CCDC18: variants seen among roughly 807,000 people sequenced by gnomAD.
CCDC18 encodes the protein coiled-coil domain containing 18.
In CCDC18, 157 loss-of-function variants were observed where a neutral mutation model predicts 196.0. The ratio of observed to expected loss-of-function variants is 0.80; its 90% CI spans 0.70 to 0.91. The LOEUF is 0.91. Ranked by LOEUF, CCDC18 falls within the 40% of genes least tolerant of loss-of-function variation. The pLI, the probability that CCDC18 is intolerant of heterozygous loss-of-function variation, is 0.00. For synonymous variants in CCDC18, 482 were observed against 529.2 expected (o/e 0.91, Z 1.22); for missense variants, 1,465 against 1,611.6 (o/e 0.91, Z 1.56).
chr1:93,191,927 A>G, intron 4 of CCDC18, 73 bp from the exon 5 acceptor site: 1 of 1,012,360 alleles, frequency 9.9e-7, no homozygotes, highest in Non-Finnish European at 1.5e-6. Flanking sequence ...CTCATCTGAC[A>G]GGAAAAAAAC....
intron 28 of CCDC18, among the ~76,000 whole-genome samples, chr1:93,276,295 C>T (rs1185230177): frequency 6.6e-6 from 1 of 152,160 alleles, no homozygotes; most frequent in Admixed American, 6.5e-5. Flanking sequence ...CTGAAGTATT[C>T]TGCTTTCAGA....
intron 6 of CCDC18, among the ~76,000 whole-genome samples, chr1:93,198,397 A>G (rs1172431499): frequency 2.0e-5 from 3 of 152,230 alleles, no homozygotes. Context: ...TCCATAGCAA[A>G]TCAAGGATAG....
intron 28 of CCDC18, among the ~76,000 whole-genome samples, chr1:93,274,132 C>T (rs72959245): frequency 0.09 from 13,629 of 152,182 alleles, 2,003 homozygotes; most frequent in African/African-American, 0.31. Context: ...TAGCCAGGCG[C>T]GGTGGCTCAC....
chr1:93,264,442 G>A (rs1330713145), intron 26 of CCDC18, among the ~76,000 whole-genome samples: 1 of 152,072 alleles, frequency 6.6e-6, no homozygotes, highest in African/African-American at 2.4e-5. Context: ...TGTCTTTATA[G>A]TTTATTTGTT....
At chr1:93,259,012 G>C (rs941406521) in intron 26 of CCDC18, 127 bp downstream of exon 26, 2 of 738,268 alleles carry the variant, frequency 2.7e-6, no homozygotes, top group Non-Finnish European at 2.0e-6. Context: ...ATTTCTGGTA[G>C]CCTAAACATA....
intron 19 of CCDC18, 79 bp downstream of exon 19, chr1:93,236,469 G>T (rs779952491): frequency 7.4e-7 from 1 of 1,360,294 alleles, no homozygotes; most frequent in Non-Finnish European, 1.0e-6. Flanking sequence ...ATAATGTTCA[G>T]TGGAGCATTT....
chr1:93,257,629 G>C (rs189305638), intron 25 of CCDC18, among the ~76,000 whole-genome samples: 1 of 151,932 alleles, frequency 6.6e-6, no homozygotes, highest in Non-Finnish European at 1.5e-5. Context: ...TTTCTGGATG[G>C]TTAGACCAGT....
chr1:93,236,137 G>T, intron 18 of CCDC18, 111 bp from the exon 19 acceptor site: 2 of 830,386 alleles, frequency 2.4e-6, no homozygotes, highest in Non-Finnish European at 3.7e-6. Context: ...TTACTTCTTG[G>T]TCTATATGTT....
At chr1:93,213,411 T>A (rs661126) in intron 11 of CCDC18, among the ~76,000 whole-genome samples, 3 of 126,972 alleles carry the variant, frequency 2.4e-5, no homozygotes, top group South Asian at 2.4e-4. Flanking sequence ...TTTTCTCTCT[T>A]TTTTTTTTTT....
intron 21 of CCDC18, 91 bp from the exon 22 acceptor site, chr1:93,246,014 A>G (rs1661449922): frequency 6.9e-6 from 5 of 729,246 alleles, no homozygotes; most frequent in Non-Finnish European, 8.7e-6. Context: ...TTTGCTTTTA[A>G]TTTATAGAAG....
At chr1:93,229,307 A>C (rs938803387) in intron 17 of CCDC18, among the ~76,000 whole-genome samples, 2 of 152,246 alleles carry the variant, frequency 1.3e-5, no homozygotes, top group Admixed American at 1.3e-4. Context: ...ATTGATAAAA[A>C]ACGTGGAGAA....
intron 24 of CCDC18, among the ~76,000 whole-genome samples, chr1:93,255,909 CAG>C (rs1487559478): frequency 1.3e-5 from 2 of 152,158 alleles, no homozygotes; most frequent in Non-Finnish European, 2.9e-5. Flanking sequence ...TTTACTTTCA[CAG>C]AGAGTAAGAC....
intron 9 of CCDC18, among the ~76,000 whole-genome samples, chr1:93,208,866 A>G (rs1200338089): frequency 2.0e-5 from 3 of 151,322 alleles, no homozygotes; most frequent in Non-Finnish European, 2.9e-5. Context: ...GGGTTACACC[A>G]TGTTGGCCAG....
chr1:93,272,371 A>G (rs781496693), intron 28 of CCDC18, among the ~76,000 whole-genome samples: 1 of 152,252 alleles, frequency 6.6e-6, no homozygotes, highest in Non-Finnish European at 1.5e-5. Flanking sequence ...ACACAACTGT[A>G]GTTTTAAATG....
At chr1:93,244,856 C>A (rs1015241424) in intron 21 of CCDC18, among the ~76,000 whole-genome samples, 1 of 152,122 alleles carries the variant, frequency 6.6e-6, no homozygotes, top group East Asian at 1.9e-4. Flanking sequence ...TACCATGGAA[C>A]CTTGGCCATA....
At chr1:93,186,269 C>T (rs1650660530) in intron 3 of CCDC18, 76 bp from the exon 4 acceptor site, 2 of 1,340,094 alleles carry the variant, frequency 1.5e-6, no homozygotes, top group Admixed American at 4.4e-5. Context: ...AATAATTGCT[C>T]ATAATTTTCC....
In CCDC18 at chr1:93,278,543, TGTAGC is replaced by T. The variant is rs538663003; in HGVS notation, c.*67_*71del. On this transcript the variant is annotated 3_prime_UTR_variant, in exon 29 of 29. Transcript: ENST00000690025. The stretch of plus-strand genomic sequence containing the variant: ...GGTACTGTGCTGTTTACTTATTATA[TGTAGC>T]TCATACTTCATAGAAGCTGTTATTT... 2.4e-4 allele frequency: 190 copies of T among 797,254 alleles called. 5 individuals are homozygous for T. The South Asian group carries it at 6.1e-3, about 26-fold the overall frequency. The allele number at this position is 797,254 out of a possible 1,614,324, so 49.4% of individuals were successfully genotyped here. A position where few individuals can be genotyped will look rare whatever the true frequency, so the allele number is the denominator to read the frequency against.
intron 21 of CCDC18, among the ~76,000 whole-genome samples, chr1:93,243,331 T>C (rs2100895246): frequency 6.6e-6 from 1 of 152,366 alleles, no homozygotes; most frequent in South Asian, 2.1e-4. Context: ...AGCCACGGCC[T>C]GTGCTCTATG....
In CCDC18 at chr1:93,270,584, C is replaced by G. The variant is rs756714005; in HGVS notation, c.4123C>G (p.Leu1375Val). The G allele has an allele frequency of 1.3e-6, 2 of 1,550,366 alleles. No individual in the cohort carries two copies. The highest frequency in any genetic ancestry group is 4.9e-5 in the East Asian group (2 of 40,880). Residue 1375 changes from leucine (L) to valine (V), a missense_variant, in exon 28 of 29, where the codon CTA (leucine) becomes GTA (valine). By Grantham distance (32) the Leu-to-Val change is conservative. Coordinates refer to ENST00000690025, the MANE Select transcript of CCDC18 (RefSeq NM_001378204.1). ...HGDEDLSEELLQDLKKMQLEQ... is the reference protein window; with the variant it reads ...HGDEDLSEELVQDLKKMQLEQ... ...TGATGAAGATCTTTCTGAAGAATTACTACAGGACTTAAAGAAAATGCAATT... is the reference window on the plus strand; with the variant it reads ...TGATGAAGATCTTTCTGAAGAATTAGTACAGGACTTAAAGAAAATGCAATT...
Sources: allele counts gnomAD v4.1 joint callset (sites outside exome capture counted in the v4.1 genomes callset), GRCh38; gene constraint gnomAD v4.1.1; transcripts MANE v1.5; gene names NCBI Gene and HGNC (gene_info 2026-07-23, HGNC 2026-07-21).